SLC39A11: variants seen among roughly 807,000 people sequenced by gnomAD.
SLC39A11 encodes zinc transporter ZIP11.
A neutral mutation model predicts 36.1 loss-of-function variants in SLC39A11; 33 were observed. That is an observed-to-expected ratio of 0.91 (90% confidence interval 0.69 to 1.22). The LOEUF (loss-of-function observed/expected upper bound fraction) is 1.22, where lower values mean the gene tolerates loss of function less well. Among genes scored for constraint, SLC39A11 ranks in the 50% most tolerant of loss-of-function variants. SLC39A11 has a pLI of 0.00. For missense variants in SLC39A11, 432 were observed against 430.3 expected, an observed-to-expected ratio of 1.00 and a Z score of -0.03; for synonymous variants, 166 against 170.3, an observed-to-expected ratio of 0.97 and a Z score of 0.20.
At chr17:72,754,020 G>GTA (rs58028460) in intron 6 of SLC39A11, among the ~76,000 whole-genome samples, 2,262 of 107,978 alleles carry the variant, frequency 0.021, 37 homozygotes, top group East Asian at 0.032. Flanking sequence ...ATGTATATAT[G>GTA]TATATATATA....
intron 7 of SLC39A11, among the ~76,000 whole-genome samples, chr17:72,720,665 C>T (rs901422134): frequency 2.0e-5 from 3 of 152,206 alleles, no homozygotes; most frequent in Non-Finnish European, 4.4e-5. Context: ...CCAGGCTCCA[C>T]TCAGGGAGCT....
intron 4 of SLC39A11, among the ~76,000 whole-genome samples, chr17:72,998,709 A>T (rs1025808596): frequency 2.0e-5 from 3 of 152,218 alleles, no homozygotes; most frequent in African/African-American, 7.2e-5. Context: ...TGTGGTTTTG[A>T]CACATGCAGC....
At chr17:73,009,396 A>G (rs2148485436) in intron 4 of SLC39A11, among the ~76,000 whole-genome samples, 1 of 151,696 alleles carries the variant, frequency 6.6e-6, no homozygotes, top group Middle Eastern at 3.4e-3. Flanking sequence ...AGTTTGATAC[A>G]TGCTACAATA....
rs564037364 is a variant in SLC39A11 at position 72,952,851 on chromosome 17, A to G, written c.307-4976T>C. 4.6e-5 allele frequency among the ~76,000 whole-genome samples: 7 copies of G among 152,034 alleles called. No homozygotes were observed. The South Asian group carries it at 1.5e-3, about 32-fold the overall frequency. ...GCCCCGACAGTCTGCTCTGCTGCCC[A>G]TCAGAGGGTCAGTGAGTCACTCTTT... On this transcript the variant is annotated intron_variant, in intron 4 of 9. Transcript: ENST00000255559.
At chr17:72,699,341 A>G (rs2072494098) in intron 7 of SLC39A11, among the ~76,000 whole-genome samples, 1 of 152,260 alleles carries the variant, frequency 6.6e-6, no homozygotes, top group Non-Finnish European at 1.5e-5. Flanking sequence ...GTTAGGCTGC[A>G]TTCAAAGCCA....
chr17:72,800,929 TA>T (rs2077063610), intron 6 of SLC39A11, among the ~76,000 whole-genome samples: 1 of 152,172 alleles, frequency 6.6e-6, no homozygotes, highest in Non-Finnish European at 1.5e-5. Context: ...GTCATTCAAA[TA>T]TGCTTAAAAC....
At chr17:72,989,371 AACAGT>A (rs1328490538) in intron 4 of SLC39A11, among the ~76,000 whole-genome samples, 1 of 152,232 alleles carries the variant, frequency 6.6e-6, no homozygotes, top group Non-Finnish European at 1.5e-5. Flanking sequence ...TTACCAAGAT[AACAGT>A]ACAAGTTTCT....
Position 72,710,360 on chromosome 17 carries a change from T to C in SLC39A11, c.671+26290A>G, listed in dbSNP as rs188581894. On this transcript the variant is annotated intron_variant, in intron 7 of 9. Transcript: ENST00000255559. The stretch of plus-strand genomic sequence containing the variant: ...TGTATGTCCCTCCAAAATTCATATG[T>C]TGAAACCAAAGACCCAGTGCAGTAG... Among the ~76,000 whole-genome samples, 4 of 152,322 alleles carry C rather than the reference T, an allele frequency of 2.6e-5. No homozygotes were observed. In the East Asian group the frequency reaches 7.7e-4, roughly 29 times the overall value.
chr17:72,695,351 T>C (rs1251532937), intron 7 of SLC39A11, among the ~76,000 whole-genome samples: 2 of 152,220 alleles, frequency 1.3e-5, no homozygotes, highest in Non-Finnish European at 2.9e-5. Context: ...ATCCAGGGAA[T>C]AAGCTCCATG....
In SLC39A11 at chr17:72,647,629, G is replaced by A. The variant is rs759710915; in HGVS notation, c.963C>T (p.Ile321=). The part of the protein sequence containing the change: ...GNGKLASWAS[I]LGFVVMMSLD... Reference sequence around the variant, plus strand: ...GTGACATCATCACTACAAATCCCAGGATGGAGGCCCAGGATGCCAGTTTCC... The same window carrying A: ...GTGACATCATCACTACAAATCCCAGAATGGAGGCCCAGGATGCCAGTTTCC... The change falls in exon 10 of 10, where the codon ATC becomes ATT. Residue 321 remains isoleucine (I), a synonymous_variant. Transcript: ENST00000255559. 4.3e-6 allele frequency: 7 copies of A among 1,613,990 alleles called. No homozygotes were observed. In the East Asian group the frequency reaches 1.6e-4, roughly 36 times the overall value.
chr17:72,763,326 A>C (rs1422815553), intron 6 of SLC39A11, among the ~76,000 whole-genome samples: 1 of 152,218 alleles, frequency 6.6e-6, no homozygotes, highest in East Asian at 1.9e-4. Flanking sequence ...ACAATGTTTA[A>C]AAAACTACAA....
intron 7 of SLC39A11, among the ~76,000 whole-genome samples, chr17:72,666,652 C>T (rs944457226): frequency 7.9e-5 from 12 of 152,212 alleles, no homozygotes; most frequent in African/African-American, 2.7e-4. Flanking sequence ...CAAAGCTGAA[C>T]ACCAACACCA....
intron 6 of SLC39A11, among the ~76,000 whole-genome samples, chr17:72,811,016 T>C (rs2077419905): frequency 6.6e-6 from 1 of 151,902 alleles, no homozygotes; most frequent in East Asian, 1.9e-4. Flanking sequence ...TTAAGTTGTA[T>C]ATTTAAGATT....
chr17:72,946,982 C>T (rs1010583995), intron 5 of SLC39A11, among the ~76,000 whole-genome samples: 2 of 152,220 alleles, frequency 1.3e-5, no homozygotes, highest in African/African-American at 4.8e-5. Flanking sequence ...ACTATGCTGT[C>T]AGCATCTTTA....
intron 6 of SLC39A11, among the ~76,000 whole-genome samples, chr17:72,758,493 G>A (rs1228967472): frequency 6.6e-6 from 1 of 152,166 alleles, no homozygotes; most frequent in Non-Finnish European, 1.5e-5. Context: ...GCAGGAGGTA[G>A]CCCATTGTCA....
intron 4 of SLC39A11, among the ~76,000 whole-genome samples, chr17:73,016,343 T>C (rs1673142241): frequency 6.6e-6 from 1 of 152,040 alleles, no homozygotes; most frequent in Non-Finnish European, 1.5e-5. Context: ...AGTTGATTTT[T>C]TTTTTTTTTT....
chr17:72,909,871 GAGT>G (rs2082885013), intron 5 of SLC39A11, among the ~76,000 whole-genome samples: 2 of 150,986 alleles, frequency 1.3e-5, no homozygotes, highest in Non-Finnish European at 3.0e-5. Context: ...TCAGCCTCCC[GAGT>G]AGCTGGGACT....
rs2086519157 is a variant in SLC39A11, at chr17:72,960,229, AAAATGTCTATCACTTTCACAAAT to A, written c.307-12377_307-12355del. Among the ~76,000 whole-genome samples the A allele has an allele frequency of 2.0e-5, 3 of 152,242 alleles. No individual in the cohort carries two copies. The South Asian group carries it at 6.2e-4, about 31-fold the overall frequency. ...AAAAGGCACTGGAACCCTTGGCCTC[AAAATGTCTATCACTTTCACAAAT>A]AAATGTCTTTGTTTACCATCATTAA... On this transcript the variant is annotated intron_variant, in intron 4 of 9. Transcript: ENST00000255559.
intron 4 of SLC39A11, among the ~76,000 whole-genome samples, chr17:72,992,732 T>C (rs1288398126): frequency 3.3e-5 from 5 of 152,168 alleles, no homozygotes; most frequent in Non-Finnish European, 1.5e-5. Flanking sequence ...TAAAAAATAC[T>C]AATGCTAAAA....
Sources: gnomAD v4.1 joint callset for allele counts (sites outside exome capture counted in the v4.1 genomes callset) on GRCh38, gnomAD v4.1.1 for gene constraint, MANE v1.5 for transcripts, NCBI Gene and HGNC (gene_info 2026-07-23, HGNC 2026-07-21) for gene names.